Variants in MTSS1 observed in about 807,000 individuals in gnomAD.
MTSS1 encodes the protein protein MTSS 1.
Under a neutral mutation model 79.0 loss-of-function variants are expected in MTSS1, and 18 were observed. That is an observed-to-expected ratio of 0.23 (90% CI 0.16 to 0.34). The LOEUF (loss-of-function observed/expected upper bound fraction) is 0.34. Ranked by LOEUF, MTSS1 falls within the 10% of genes least tolerant of loss-of-function variation. MTSS1 has a pLI of 1.00. For synonymous variants in MTSS1, 341 were observed against 368.6 expected, an observed-to-expected ratio of 0.93 and a Z score of 0.86; for missense variants, 815 against 986.2, an observed-to-expected ratio of 0.83 and a Z score of 2.33.
At chr8:124,661,261 C>G (rs752719767) in intron 3 of MTSS1, among the ~76,000 whole-genome samples, 2 of 151,642 alleles carry the variant, frequency 1.3e-5, no homozygotes, top group Non-Finnish European at 2.9e-5. Context: ...GAAAATGGTC[C>G]CCATACACGC....
intron 3 of MTSS1, among the ~76,000 whole-genome samples, chr8:124,604,484 C>T (rs1355153796): frequency 1.3e-5 from 2 of 152,010 alleles, no homozygotes; most frequent in Non-Finnish European, 2.9e-5. Context: ...AAAATAAACC[C>T]ATAAAGCCCC....
intron 3 of MTSS1, among the ~76,000 whole-genome samples, chr8:124,666,365 G>A (rs1304344401): frequency 1.3e-5 from 2 of 152,232 alleles, no homozygotes; most frequent in Non-Finnish European, 2.9e-5. Context: ...CTAAATAGAT[G>A]TTCTGGTAAT....
At chr8:124,633,688 T>C (rs1049599581) in intron 3 of MTSS1, among the ~76,000 whole-genome samples, 1 of 151,768 alleles carries the variant, frequency 6.6e-6, no homozygotes, top group Admixed American at 6.6e-5. Flanking sequence ...GAGAATCACT[T>C]GAACCCAGGA....
chr8:124,552,744 C>T lies in MTSS1; in HGVS notation c.*248G>A, dbSNP rs1822724832. 1 of 440,388 alleles carries T rather than the reference C, an allele frequency of 2.3e-6. No individual in the cohort carries two copies. Among genetic ancestry groups the T allele is most frequent in the East Asian group, 3.5e-5 (1 of 28,824 alleles). The allele number at this position is 440,388 out of a possible 1,614,324, so 27.3% of individuals were successfully genotyped here. ...TGGAATTTGGCACCTTCAGAAAAAT[C>T]AAAAGGGAAACTAAGATTAAAATGT... is the stretch of plus-strand genomic sequence containing the variant. On this transcript the variant is annotated 3_prime_UTR_variant, in exon 14 of 14. Transcript: ENST00000518547.
At chr8:124,633,919 G>A (rs572185871) in intron 3 of MTSS1, among the ~76,000 whole-genome samples, 7 of 152,234 alleles carry the variant, frequency 4.6e-5, no homozygotes, top group Non-Finnish European at 8.8e-5. Flanking sequence ...GAGAGAACAG[G>A]TAGAATTAGC....
chr8:124,719,846 T>C (rs1259344602), intron 1 of MTSS1, among the ~76,000 whole-genome samples: 1 of 152,124 alleles, frequency 6.6e-6, no homozygotes, highest in Admixed American at 6.5e-5. Context: ...GCCCTCGACT[T>C]TTACTTATTT....
At chr8:124,570,830 C>T (rs934966318) in intron 6 of MTSS1, among the ~76,000 whole-genome samples, 1 of 152,078 alleles carries the variant, frequency 6.6e-6, no homozygotes, top group African/African-American at 2.4e-5. Context: ...ACCACCATGC[C>T]CAGCTAGTTT....
Position 124,557,892 on chromosome 8 carries a change from A to T in MTSS1, c.1036-17T>A. ...GTTAGACAACTGGAAACAAACAAAA[A>T]AAGGGGGGGGGAAGGAAAAAAAATT... On this transcript the variant is annotated splice_polypyrimidine_tract_variant and intron_variant, in intron 10 of 13. Transcript: ENST00000518547. 6.6e-7 allele frequency: 1 copy of T among 1,524,184 alleles called. No homozygotes were observed. The highest frequency in any genetic ancestry group is 8.9e-7 in the Non-Finnish European group (1 of 1,123,506). The allele number at this position is 1,524,184 out of a possible 1,614,324, so 94.4% of individuals were successfully genotyped here. A position where few individuals can be genotyped will look rare whatever the true frequency, so the allele number is the denominator to read the frequency against.
At chr8:124,658,363 A>G (rs1457849854) in intron 3 of MTSS1, among the ~76,000 whole-genome samples, 1 of 152,148 alleles carries the variant, frequency 6.6e-6, no homozygotes, top group Non-Finnish European at 1.5e-5. Flanking sequence ...CTTGCCTGCC[A>G]CCATGTAAGA....
intron 3 of MTSS1, among the ~76,000 whole-genome samples, chr8:124,649,051 A>G (rs552105432): frequency 6.1e-4 from 93 of 152,250 alleles, no homozygotes; most frequent in Non-Finnish European, 1.1e-3. Context: ...TCCAAAAATA[A>G]TAGTATTAAC....
intron 3 of MTSS1, among the ~76,000 whole-genome samples, chr8:124,613,704 TG>T (rs1836307365): frequency 6.6e-6 from 1 of 152,222 alleles, no homozygotes. Flanking sequence ...CAATGAGTCA[TG>T]GGCATCCTAA....
At chr8:124,643,908 T>C (rs941203565) in intron 3 of MTSS1, among the ~76,000 whole-genome samples, 4 of 152,118 alleles carry the variant, frequency 2.6e-5, no homozygotes, top group African/African-American at 9.7e-5. Context: ...TTTTTGAAAT[T>C]CTGTGCAAGT....
At chr8:124,659,925 A>G (rs886582450) in intron 3 of MTSS1, among the ~76,000 whole-genome samples, 26 of 152,220 alleles carry the variant, frequency 1.7e-4, no homozygotes, top group Non-Finnish European at 3.1e-4. Flanking sequence ...GTAAGGAATC[A>G]TCTCTTCCTG....
In MTSS1 at chr8:124,557,774, G is replaced by A. The variant is rs1824268488; in HGVS notation, c.1137C>T (p.Leu379=). Residue 379 remains leucine, a synonymous_variant, in exon 11 of 14, where the codon CTC becomes CTT. Coordinates refer to ENST00000518547, the MANE Select transcript of MTSS1 (RefSeq NM_014751.6). ...FPHCLPASRL[L]PRVTSVHLPD... ...GAAGGTGGACAGAGGTGACCCGAGGGAGCAGGCGGGAGGCAGGCAGGCAAT... is the reference window on the plus strand; with the variant it reads ...GAAGGTGGACAGAGGTGACCCGAGGAAGCAGGCGGGAGGCAGGCAGGCAAT... 1.9e-6 allele frequency: 3 copies of A among 1,606,280 alleles called. No homozygotes were observed. The highest frequency in any genetic ancestry group is 2.5e-6 in the Non-Finnish European group (3 of 1,176,490).
At chr8:124,642,738 G>A (rs550180655) in intron 3 of MTSS1, among the ~76,000 whole-genome samples, 18 of 152,114 alleles carry the variant, frequency 1.2e-4, no homozygotes, top group Non-Finnish European at 2.5e-4. Flanking sequence ...GATTACAGGT[G>A]CATGCCACCA....
chr8:124,625,294 A>G (rs935902611), intron 3 of MTSS1, among the ~76,000 whole-genome samples: 2 of 152,160 alleles, frequency 1.3e-5, no homozygotes, highest in African/African-American at 4.8e-5. Context: ...TCTTCTAAGG[A>G]TCATCGAAAA....
At chr8:124,723,905 T>C (rs1430849) in intron 1 of MTSS1, among the ~76,000 whole-genome samples, 133,044 of 152,152 alleles carry the variant, frequency 0.87, 58,449 homozygotes, top group African/African-American at 0.96. Flanking sequence ...GGAGAAAACT[T>C]TTTTTTTGAG....
At chr8:124,702,570 A>G (rs1026264668) in intron 2 of MTSS1, among the ~76,000 whole-genome samples, 1 of 152,184 alleles carries the variant, frequency 6.6e-6, no homozygotes, top group African/African-American at 2.4e-5. Context: ...ACCTTTCCCA[A>G]GTTCTTTAGT....
At chr8:124,670,372 G>A (rs1312497371) in intron 3 of MTSS1, among the ~76,000 whole-genome samples, 1 of 110,050 alleles carries the variant, frequency 9.1e-6, no homozygotes, top group Non-Finnish European at 1.7e-5. Context: ...CACTCAGGCG[G>A]GCGGCACCCC....
Sources: allele counts gnomAD v4.1 joint callset (sites outside exome capture counted in the v4.1 genomes callset), GRCh38; gene constraint gnomAD v4.1.1; transcripts MANE v1.5; gene names NCBI Gene and HGNC (gene_info 2026-07-23, HGNC 2026-07-21).